HIVEP3: variants seen among roughly 807,000 people sequenced by gnomAD.
HIVEP3 encodes the protein transcription factor HIVEP3.
Under a neutral mutation model 152.8 loss-of-function variants are expected in HIVEP3, and 49 were observed. The observed-to-expected ratio is 0.32, with a 90% CI of 0.26 to 0.41. The LOEUF (loss-of-function observed/expected upper bound fraction) is 0.41, where lower values mean the gene tolerates loss of function less well. HIVEP3 is among the 10% of genes least tolerant of loss of function. The pLI is 1.00. For missense variants in HIVEP3, 2,790 were observed against 3,103.3 expected (o/e 0.90, Z 2.40); for synonymous variants, 1,269 against 1,289.0 (o/e 0.98, Z 0.33).
chr1:41,974,742 G>A (rs1021472060), intron 1 of HIVEP3, among the ~76,000 whole-genome samples: 51 of 152,064 alleles, frequency 3.4e-4, no homozygotes, highest in African/African-American at 1.2e-3. Flanking sequence ...CTGAATTGCA[G>A]TTGCCTTTTT....
intron 5 of HIVEP3, among the ~76,000 whole-genome samples, chr1:41,568,238 G>A (rs1232625656): frequency 1.3e-5 from 2 of 152,226 alleles, no homozygotes; most frequent in Admixed American, 6.5e-5. Flanking sequence ...GCCATGGAGT[G>A]TGCAAATTCA....
At chr1:41,744,615 T>C (rs1438542017) in intron 1 of HIVEP3, among the ~76,000 whole-genome samples, 1 of 152,208 alleles carries the variant, frequency 6.6e-6, no homozygotes, top group East Asian at 1.9e-4. Context: ...TGATTTGCTT[T>C]TGTTTTTCTG....
At chr1:41,729,055 T>A (rs1646800010) in intron 1 of HIVEP3, among the ~76,000 whole-genome samples, 1 of 152,174 alleles carries the variant, frequency 6.6e-6, no homozygotes, top group Non-Finnish European at 1.5e-5. Context: ...CCAGGCTGCC[T>A]TGGCCACGTG....
At chr1:41,951,505 C>T (rs552171411) in intron 1 of HIVEP3, among the ~76,000 whole-genome samples, 5 of 152,238 alleles carry the variant, frequency 3.3e-5, no homozygotes, top group African/African-American at 1.2e-4. Flanking sequence ...GAACAGTGTT[C>T]ATTTTATGTA....
In HIVEP3 at chr1:41,533,534, G is replaced by A. The variant is rs773717034; in HGVS notation, c.5208-8624C>T. 5.3e-5 allele frequency among the ~76,000 whole-genome samples: 8 copies of A among 152,034 alleles called. No homozygotes were observed. The highest frequency in any genetic ancestry group is 9.7e-5 in the African/African-American group (4 of 41,392). On this transcript the variant is annotated intron_variant, in intron 5 of 8. Transcript: ENST00000372583. The surrounding 1 kb of genome is among the most constrained non-coding windows in gnomAD (Gnocchi z 4.3). ...CCTCCCCACTCTATGCTTTTGAGCCGCTGCAGCCCAGCTCTGATGACCAAC... is the reference window on the plus strand; with the variant it reads ...CCTCCCCACTCTATGCTTTTGAGCCACTGCAGCCCAGCTCTGATGACCAAC...
In HIVEP3 at chr1:41,979,461, G is replaced by A. The variant is rs368501852; in HGVS notation, n.119+56346C>T. On this transcript the variant is annotated intron_variant and non_coding_transcript_variant, in intron 1 of 3. Transcript: ENST00000489103. Reference sequence around the variant, plus strand: ...CACTTGTCCACAAGCTCTCAGCTAAGTAATGGGATCTGGACTCAAAAAGGC... The same window carrying A: ...CACTTGTCCACAAGCTCTCAGCTAAATAATGGGATCTGGACTCAAAAAGGC... Among the ~76,000 whole-genome samples the A allele has an allele frequency of 5.3e-5, 8 of 152,346 alleles. No individual in the cohort carries two copies. The South Asian group carries it at 1.2e-3, about 24-fold the overall frequency.
chr1:41,642,686 A>G (rs917233394), intron 2 of HIVEP3, among the ~76,000 whole-genome samples: 2 of 152,244 alleles, frequency 1.3e-5, no homozygotes, highest in African/African-American at 4.8e-5. Context: ...AGCCTTGAAC[A>G]TAATTGGTGA....
intron 1 of HIVEP3, among the ~76,000 whole-genome samples, chr1:41,970,979 T>C (rs1004258606): frequency 7.9e-5 from 12 of 152,138 alleles, no homozygotes; most frequent in African/African-American, 2.9e-4. Context: ...TGTGAGACAA[T>C]AAGTTTCTGT....
At chr1:41,744,102 C>T (rs1007765909) in intron 1 of HIVEP3, among the ~76,000 whole-genome samples, 1 of 151,786 alleles carries the variant, frequency 6.6e-6, no homozygotes, top group Non-Finnish European at 1.5e-5. Flanking sequence ...TGCAGTGATG[C>T]GATCTTGACT....
At chr1:41,883,771 T>A (rs145861186) in intron 1 of HIVEP3, among the ~76,000 whole-genome samples, 6 of 152,190 alleles carry the variant, frequency 3.9e-5, no homozygotes, top group Admixed American at 1.3e-4. Context: ...GCTGCCAGCT[T>A]CTCCCTGCCT....
At position 41,757,260 on chromosome 1, in the gene HIVEP3, CGCCTGCCACCAT is replaced by C. The variant is rs539567319; in HGVS notation, c.-800-56277_-800-56266del. On this transcript the variant is annotated intron_variant, in intron 1 of 8. Transcript: ENST00000372583. ...CCTCCCGAGTAGCTGGGACTACAGG[CGCCTGCCACCAT>C]GCCCGGCTAATTTTTTTTGTATTTT... Among the ~76,000 whole-genome samples the C allele has an allele frequency of 2.0e-5, 3 of 151,868 alleles. No homozygotes were observed. The East Asian group carries it at 5.8e-4, about 29-fold the overall frequency.
chr1:41,774,772 T>TTTTA (rs199947047), intron 1 of HIVEP3, among the ~76,000 whole-genome samples: 19,884 of 143,686 alleles, frequency 0.14, 1,468 homozygotes, highest in Middle Eastern at 0.24. Flanking sequence ...GCATCTTTTA[T>TTTTA]TTTATTTATT....
chr1:41,598,889 C>T (rs1644706047), intron 3 of HIVEP3, among the ~76,000 whole-genome samples: 1 of 151,896 alleles, frequency 6.6e-6, no homozygotes, highest in Non-Finnish European at 1.5e-5. Context: ...AATTTCAGCT[C>T]ACTGCAACCT....
intron 2 of HIVEP3, among the ~76,000 whole-genome samples, chr1:41,663,119 C>T (rs1428298250): frequency 6.6e-6 from 1 of 152,260 alleles, no homozygotes; most frequent in Non-Finnish European, 1.5e-5. Flanking sequence ...ACACTTGAGC[C>T]AGTTCCCAGC....
rs1643834293 is a variant in HIVEP3, at chr1:41,858,580, C to T, written c.-801+59833G>A. Among the ~76,000 whole-genome samples the T allele has an allele frequency of 2.0e-5, 3 of 152,322 alleles. No individual in the cohort carries two copies. The South Asian group carries it at 6.2e-4, about 32-fold the overall frequency. On this transcript the variant is annotated intron_variant, in intron 1 of 8. Coordinates refer to ENST00000372583, the MANE Select transcript of HIVEP3 (RefSeq NM_024503.5). ...TCATTTATTCATTTCCCACTGTCTC[C>T]AGTAACACCTACCCTATGCTGGGTA...
chr1:41,659,083 C>T (rs934047123), intron 2 of HIVEP3, among the ~76,000 whole-genome samples: 2 of 152,200 alleles, frequency 1.3e-5, no homozygotes, highest in African/African-American at 2.4e-5. Flanking sequence ...GCAGTTACCC[C>T]CTCCAAAGGG....
In HIVEP3 at chr1:41,601,777, T is replaced by C. The variant is rs574163668; in HGVS notation, c.-521-16459A>G. Among the ~76,000 whole-genome samples, 12 of 152,318 alleles carry C rather than the reference T, an allele frequency of 7.9e-5. No individual in the cohort carries two copies. The South Asian group carries it at 2.3e-3, about 29-fold the overall frequency. On this transcript the variant is annotated intron_variant, in intron 3 of 8. Coordinates refer to ENST00000372583, the MANE Select transcript of HIVEP3 (RefSeq NM_024503.5). Reference sequence around the variant, plus strand: ...CTAGGACTTCCAGTACTGTCTTGAATAGAAATGGCAAGCAAGGGCATTCTT... The same window carrying C: ...CTAGGACTTCCAGTACTGTCTTGAACAGAAATGGCAAGCAAGGGCATTCTT...
At chr1:41,728,276 G>C (rs1459089844) in intron 1 of HIVEP3, among the ~76,000 whole-genome samples, 1 of 152,158 alleles carries the variant, frequency 6.6e-6, no homozygotes, top group Non-Finnish European at 1.5e-5. Context: ...TGTCTTCTAG[G>C]TTGCAAGGAA....
At chr1:41,733,300 A>C (rs1646869555) in intron 1 of HIVEP3, among the ~76,000 whole-genome samples, 1 of 152,184 alleles carries the variant, frequency 6.6e-6, no homozygotes. Context: ...CTGAAACCCG[A>C]GTGCTGACAG....
Sources: allele counts gnomAD v4.1 joint callset (sites outside exome capture counted in the v4.1 genomes callset), GRCh38; gene constraint gnomAD v4.1.1; non-coding constraint Gnocchi (gnomAD v3.1); transcripts MANE v1.5; gene names NCBI Gene and HGNC (gene_info 2026-07-23, HGNC 2026-07-21).